The following RPTOR variants were observed in gnomAD, a reference collection of about 807,000 sequenced individuals.
RPTOR encodes the protein regulatory associated protein of MTOR complex 1.
Under a neutral mutation model 169.9 loss-of-function variants are expected in RPTOR, and 21 were observed. The observed-to-expected ratio is 0.12, with a 90% CI of 0.09 to 0.18. The LOEUF (loss-of-function observed/expected upper bound fraction) is 0.18, where lower values mean the gene tolerates loss of function less well. Among genes scored for constraint, RPTOR ranks in the 10% least tolerant of loss-of-function variants. The pLI is 1.00. For synonymous variants in RPTOR, 732 were observed against 753.2 expected (o/e 0.97, Z 0.46); for missense variants, 1,133 against 1,855.9 (o/e 0.61, Z 7.16).
At chr17:80,602,450 G>T in intron 1 of RPTOR, 1 of 305,212 alleles carries the variant, frequency 3.3e-6, no homozygotes. Flanking sequence ...TCGCGGACGG[G>T]GCGGCTGGCC....
chr17:80,594,380 C>A (rs2065129527), intron 1 of RPTOR, among the ~76,000 whole-genome samples: 1 of 152,236 alleles, frequency 6.6e-6, no homozygotes, highest in Non-Finnish European at 1.5e-5. Context: ...GCGTGAGCCA[C>A]CACGCCCGGC....
At chr17:80,630,822 G>T (rs909786158) in intron 2 of RPTOR, among the ~76,000 whole-genome samples, 1 of 152,168 alleles carries the variant, frequency 6.6e-6, no homozygotes, top group Non-Finnish European at 1.5e-5. Flanking sequence ...GCCTGCCCAC[G>T]TGCCTCACTG....
At chr17:80,808,115 T>A (rs1159276575) in intron 7 of RPTOR, among the ~76,000 whole-genome samples, 2 of 147,462 alleles carry the variant, frequency 1.4e-5, no homozygotes, top group South Asian at 2.2e-4. Flanking sequence ...GGCAACATGA[T>A]AAGACCCTAT....
intron 3 of RPTOR, among the ~76,000 whole-genome samples, chr17:80,655,304 TCAAAGTCCTGA>T (rs1277583287): frequency 1.3e-5 from 2 of 152,262 alleles, no homozygotes; most frequent in African/African-American, 4.8e-5. Flanking sequence ...CAGGCTGGCC[TCAAAGTCCTGA>T]CCTCAAGTGA....
At chr17:80,942,844 C>G (rs771696582) in intron 25 of RPTOR, among the ~76,000 whole-genome samples, 1 of 152,230 alleles carries the variant, frequency 6.6e-6, no homozygotes, top group African/African-American at 2.4e-5. Context: ...GATTTTCAAA[C>G]GTACCAAATG....
rs893517778 is a variant in RPTOR, at chr17:80,860,675, C to G, written c.1509+2775C>G. On this transcript the variant is annotated intron_variant, in intron 13 of 33. Transcript: ENST00000306801. The surrounding 1 kb of genome is among the most constrained non-coding windows in gnomAD (Gnocchi z 5.8). ...AGCACCAGTTGACCTCTCGCTGGTT[C>G]CGCTGATTCTTGTAGATTCCCTGGG... Among the ~76,000 whole-genome samples the G allele has an allele frequency of 1.3e-5, 2 of 152,094 alleles. No homozygotes were observed. Among genetic ancestry groups the G allele is most frequent in the African/African-American group, 4.8e-5 (2 of 41,408 alleles).
chr17:80,664,394 C>T (rs531673859), intron 3 of RPTOR, among the ~76,000 whole-genome samples: 6 of 152,238 alleles, frequency 3.9e-5, no homozygotes, highest in African/African-American at 1.2e-4. Context: ...CTAGGGTGTT[C>T]CCCCTCCCAC....
intron 6 of RPTOR, among the ~76,000 whole-genome samples, chr17:80,785,789 C>T (rs2066985124): frequency 6.6e-6 from 1 of 152,100 alleles, no homozygotes; most frequent in Admixed American, 6.5e-5. Context: ...GTTTTGAGGG[C>T]CTTTTCCTCT....
At chr17:80,731,753 C>A (rs901969216) in intron 5 of RPTOR, among the ~76,000 whole-genome samples, 6 of 152,032 alleles carry the variant, frequency 3.9e-5, no homozygotes, top group Non-Finnish European at 7.4e-5. Flanking sequence ...TTTCCTCAAG[C>A]CTTTTTGAAT....
At chr17:80,548,705 G>A (rs934381961) in intron 1 of RPTOR, among the ~76,000 whole-genome samples, 1 of 152,012 alleles carries the variant, frequency 6.6e-6, no homozygotes. Context: ...GGTTACCTAC[G>A]TAAGAATCTC....
intron 21 of RPTOR, among the ~76,000 whole-genome samples, chr17:80,914,362 C>CA (rs2068647847): frequency 6.6e-6 from 1 of 152,230 alleles, no homozygotes; most frequent in Non-Finnish European, 1.5e-5. Context: ...GCAGGAACCC[C>CA]ACCCTCCCAG....
chr17:80,821,559 G>A (rs1290291492), intron 7 of RPTOR, among the ~76,000 whole-genome samples: 1 of 152,148 alleles, frequency 6.6e-6, no homozygotes, highest in South Asian at 2.1e-4. Flanking sequence ...CATGCGAAAT[G>A]GCAGCAGCCT....
At position 80,964,353 on chromosome 17, in the gene RPTOR, G is replaced by T; in HGVS notation, c.*23G>T. ...TAGCGGCGTGACCCGGGCCCACCAG[G>T]CCACGGCCGCCTGCTGTACATAGTG... On this transcript the variant is annotated 3_prime_UTR_variant, in exon 34 of 34. Transcript: ENST00000306801. 2 of 1,602,072 alleles carry T rather than the reference G, an allele frequency of 1.2e-6. No homozygotes were observed. Among genetic ancestry groups the T allele is most frequent in the Non-Finnish European group, 1.7e-6 (2 of 1,178,592 alleles).
At chr17:80,640,416 C>T (rs566179820) in intron 2 of RPTOR, among the ~76,000 whole-genome samples, 1 of 152,280 alleles carries the variant, frequency 6.6e-6, no homozygotes, top group East Asian at 1.9e-4. Flanking sequence ...CATTCTTTCC[C>T]GTCTCTTCCT....
chr17:80,589,031 T>G (rs2065084155), intron 1 of RPTOR, among the ~76,000 whole-genome samples: 1 of 152,232 alleles, frequency 6.6e-6, no homozygotes, highest in African/African-American at 2.4e-5. Flanking sequence ...TTTTGTTTTT[T>G]ACATTTAGGT....
At chr17:80,643,539 G>A (rs1374001200) in intron 2 of RPTOR, among the ~76,000 whole-genome samples, 189 bp from the exon 3 acceptor site, 8 of 152,182 alleles carry the variant, frequency 5.3e-5, no homozygotes, top group Non-Finnish European at 1.0e-4. Context: ...CCTTCACGGC[G>A]TGTCAGCTTG....
At chr17:80,902,356 C>T (rs957599373) in intron 20 of RPTOR, among the ~76,000 whole-genome samples, 8 of 152,378 alleles carry the variant, frequency 5.3e-5, no homozygotes, top group South Asian at 2.1e-4. Flanking sequence ...TGCACCTGCC[C>T]GCAGCACCCC....
At chr17:80,945,969 C>G (rs1476741679) in intron 26 of RPTOR, among the ~76,000 whole-genome samples, 188 bp downstream of exon 26, 1 of 152,168 alleles carries the variant, frequency 6.6e-6, no homozygotes, top group Non-Finnish European at 1.5e-5. Flanking sequence ...CCCACCCACA[C>G]CTGCCCCGGG....
intron 14 of RPTOR, 49 bp downstream of exon 14, chr17:80,880,538 C>A: frequency 6.4e-7 from 1 of 1,553,086 alleles, no homozygotes; most frequent in South Asian, 1.1e-5. Context: ...TCAGCACTCG[C>A]CTCTGCCCAC....
Sources: allele counts gnomAD v4.1 joint callset (sites outside exome capture counted in the v4.1 genomes callset), GRCh38; gene constraint gnomAD v4.1.1; non-coding constraint Gnocchi (gnomAD v3.1); transcripts MANE v1.5; gene names NCBI Gene and HGNC (gene_info 2026-07-23, HGNC 2026-07-21).